The following KCNC4 variants were observed in gnomAD, a reference collection of about 807,000 sequenced individuals.
KCNC4 encodes the protein potassium voltage-gated channel subfamily C member 4.
A neutral mutation model predicts 42.8 loss-of-function variants in KCNC4; 23 were observed. The observed-to-expected ratio is 0.54, with a 90% CI of 0.39 to 0.76. The LOEUF is 0.76. Ranked by LOEUF, KCNC4 falls within the 30% of genes least tolerant of loss-of-function variation. The pLI is 0.00. For missense variants in KCNC4, 751 were observed against 898.2 expected (o/e 0.84, Z 2.10); for synonymous variants, 422 against 393.5 (o/e 1.07, Z -0.86).
At chr1:110,269,237 A>G (rs987210389) in intron 1 of KCNC4, among the ~76,000 whole-genome samples, 1 of 152,140 alleles carries the variant, frequency 6.6e-6, no homozygotes, top group Non-Finnish European at 1.5e-5. Flanking sequence ...GATTTTTGAC[A>G]GACACGTCAG....
downstream of KCNC4, chr1:110,237,193 T>C (rs959075514): frequency 2.0e-5 from 3 of 152,122 alleles, no homozygotes; most frequent in African/African-American, 7.2e-5. Context: ...GGCATGTGCC[T>C]GTAGCCCCAG....
chr1:110,225,841 C>A, intron 2 of KCNC4, 134 bp from the exon 3 acceptor site: 3 of 818,796 alleles, frequency 3.7e-6, no homozygotes, highest in Non-Finnish European at 5.8e-6. Flanking sequence ...TCTGGCAATG[C>A]TGCCTCTCAG....
chr1:110,232,116 C>G, intron 3 of KCNC4: 1 of 1,094,368 alleles, frequency 9.1e-7, no homozygotes, highest in Non-Finnish European at 1.3e-6. Context: ...AAGGAAAGGC[C>G]CAGGTGGTAG....
intron 1 of KCNC4, among the ~76,000 whole-genome samples, chr1:110,271,403 A>T (rs1273662866): frequency 6.6e-6 from 1 of 152,136 alleles, no homozygotes. Context: ...GTAGAGCTAA[A>T]ACTGGAACCC....
At position 110,215,324 on chromosome 1, in the gene KCNC4, G is replaced by A. The variant is rs537725073; in HGVS notation, c.678+3147G>A. The stretch of plus-strand genomic sequence containing the variant: ...GGTTCCGTTTCTGTGGCCTGAGCTG[G>A]GAACAGGTACGAGGGGCAGGGCAGA... On this transcript the variant is annotated intron_variant, in intron 1 of 3. Transcript: ENST00000438661. 2.5e-3 allele frequency among the ~76,000 whole-genome samples: 384 copies of A among 152,330 alleles called. 2 individuals carry two copies. Among genetic ancestry groups the A allele is most frequent in the Non-Finnish European group, 1.9e-3 (128 of 68,034 alleles).
chr1:110,271,600 G>A (rs1185770727), intron 1 of KCNC4, among the ~76,000 whole-genome samples: 8 of 152,200 alleles, frequency 5.3e-5, no homozygotes, highest in Non-Finnish European at 1.0e-4. Flanking sequence ...GATTACAGGG[G>A]CTTAAGCTTG....
chr1:110,275,478 C>A (rs1015601097), intron 1 of KCNC4, among the ~76,000 whole-genome samples: 2 of 152,134 alleles, frequency 1.3e-5, no homozygotes, highest in Non-Finnish European at 2.9e-5. Context: ...AAAAATAGAA[C>A]TACCATTTGA....
chr1:110,251,365 A>G (rs573079783), downstream of KCNC4, among the ~76,000 whole-genome samples: 10 of 152,322 alleles, frequency 6.6e-5, no homozygotes, highest in South Asian at 2.1e-3. Context: ...ACAATAGTGA[A>G]TACATCTCAT....
At chr1:110,247,480 G>C (rs1483482472) in exon 4 of KCNC4, 1 of 151,934 alleles carries the variant, frequency 6.6e-6, no homozygotes, top group Non-Finnish European at 1.5e-5. Flanking sequence ...AAAGTGTAGG[G>C]ATTATAGGTG....
chr1:110,273,620 C>T (rs1284235843), intron 1 of KCNC4, among the ~76,000 whole-genome samples: 1 of 152,338 alleles, frequency 6.6e-6, no homozygotes, highest in Middle Eastern at 3.4e-3. Flanking sequence ...TCCAGCAAAT[C>T]GTGGAACTAT....
At position 110,212,249 on chromosome 1, in the gene KCNC4, C is replaced by T. The variant is rs1657515283; in HGVS notation, c.678+72C>T. Reference sequence around the variant, plus strand: ...TCCGTGGTGGGTGGTGGGTAGGGGCCGGGAGGAGCAGGGACCGAGCCTGAC... The same window carrying T: ...TCCGTGGTGGGTGGTGGGTAGGGGCTGGGAGGAGCAGGGACCGAGCCTGAC... On this transcript the variant is annotated intron_variant, in intron 1 of 3. Coordinates refer to ENST00000438661, the MANE Select transcript of KCNC4 (RefSeq NM_001039574.3). 16 of 1,342,670 alleles carry T rather than the reference C, an allele frequency of 1.2e-5. No homozygotes were observed. In the South Asian group the frequency reaches 2.3e-4, roughly 19 times the overall value. The allele number at this position is 1,342,670 out of a possible 1,614,324, so 83.2% of individuals were successfully genotyped here.
intron 1 of KCNC4, among the ~76,000 whole-genome samples, chr1:110,217,011 T>C (rs887281139): frequency 6.6e-6 from 1 of 152,190 alleles, no homozygotes; most frequent in Non-Finnish European, 1.5e-5. Context: ...GGGGGTCACC[T>C]TGGCCCCAGT....
downstream of KCNC4, among the ~76,000 whole-genome samples, chr1:110,249,390 G>A (rs141800713): frequency 3.9e-5 from 6 of 152,316 alleles, no homozygotes; most frequent in African/African-American, 1.4e-4. Context: ...CAAATTCCTT[G>A]AGGAGAGAAG....
intron 3 of KCNC4, among the ~76,000 whole-genome samples, chr1:110,226,941 A>C (rs1456477578): frequency 6.6e-6 from 1 of 152,132 alleles, no homozygotes; most frequent in Non-Finnish European, 1.5e-5. Flanking sequence ...AGCGGGTAGG[A>C]ATGATCAAGG....
At chr1:110,212,299 C>G in intron 1 of KCNC4, 122 bp downstream of exon 1, 1 of 1,072,366 alleles carries the variant, frequency 9.3e-7, no homozygotes, top group Non-Finnish European at 1.2e-6. Context: ...CAGATTGTTC[C>G]CGCCTTCCTC....
At chr1:110,248,852 GT>G (rs1396703268) in exon 4 of KCNC4, 1 of 152,244 alleles carries the variant, frequency 6.6e-6, no homozygotes, top group Non-Finnish European at 1.5e-5. Context: ...GAGGTCGAAA[GT>G]TTAAACTGCC....
chr1:110,216,767 G>A (rs1339899501), intron 1 of KCNC4, among the ~76,000 whole-genome samples: 2 of 152,170 alleles, frequency 1.3e-5, no homozygotes, highest in African/African-American at 4.8e-5. Context: ...GACTTGCCAT[G>A]ACCTCTGGCC....
intron 1 of KCNC4, among the ~76,000 whole-genome samples, chr1:110,258,191 T>C (rs1659368737): frequency 6.6e-6 from 1 of 152,204 alleles, no homozygotes; most frequent in Non-Finnish European, 1.5e-5. Flanking sequence ...ATATCTAGAA[T>C]CTGTATCTAG....
chr1:110,272,092 C>T (rs949177638), intron 1 of KCNC4, among the ~76,000 whole-genome samples: 1 of 152,192 alleles, frequency 6.6e-6, no homozygotes. Flanking sequence ...CCATCTTCTT[C>T]TGTGATCTGT....
Sources: gnomAD v4.1 joint callset for allele counts (sites outside exome capture counted in the v4.1 genomes callset) on GRCh38, gnomAD v4.1.1 for gene constraint, MANE v1.5 for transcripts, NCBI Gene and HGNC (gene_info 2026-07-23, HGNC 2026-07-21) for gene names.